RLF: variants seen among roughly 807,000 people sequenced by gnomAD.
The protein encoded by RLF is RLF zinc finger.
In RLF, 7 loss-of-function variants were observed where a neutral mutation model predicts 162.9. The observed-to-expected ratio is 0.04, with a 90% CI of 0.02 to 0.08. The LOEUF (loss-of-function observed/expected upper bound fraction) is 0.08. Among genes scored for constraint, RLF ranks in the 10% least tolerant of loss-of-function variants. The probability of loss-of-function intolerance (pLI) is 1.00; values close to 1 mark genes in which losing one functional copy is unlikely to be tolerated. For missense variants in RLF, 1,664 were observed against 2,244.7 expected, an observed-to-expected ratio of 0.74 and a Z score of 5.23; for synonymous variants, 782 against 791.5, an observed-to-expected ratio of 0.99 and a Z score of 0.20.
In RLF at chr1:40,237,772, G is replaced by A. The variant is rs1160548011; in HGVS notation, c.3070G>A (p.Asp1024Asn). The A allele has an allele frequency of 6.2e-7, 1 of 1,614,096 alleles. No homozygotes were observed. Among genetic ancestry groups the A allele is most frequent in the South Asian group, 1.1e-5 (1 of 91,080 alleles). Residue 1024 changes from aspartate to asparagine, a missense_variant, in exon 8 of 8, where the codon GAT (aspartate) becomes AAT (asparagine). Asp to Asn is a conservative substitution (Grantham distance 23, BLOSUM62 1). Around this residue, in one of 15 missense-constraint regions of RLF, gnomAD observed 295 missense variants for 317.4 expected, o/e 0.93. Coordinates refer to ENST00000372771, the MANE Select transcript of RLF (RefSeq NM_012421.4). This position sits in a 1 kb window ranked among gnomAD's most constrained non-coding sequence, Gnocchi z 4.4. ...PCSDTNSDSP[D>N]EGLDHNIHIK... is the part of the protein sequence containing the mutation. ...CTCAGATACAAACAGTGACTCCCCA[G>A]ATGAAGGTCTAGATCACAATATTCA...
chr1:40,234,228 G>C (rs959520094), intron 7 of RLF, among the ~76,000 whole-genome samples: 2 of 152,210 alleles, frequency 1.3e-5, no homozygotes, highest in Admixed American at 1.3e-4. Flanking sequence ...GGGATTACAG[G>C]TGTGAGCCAC....
Position 40,195,683 on chromosome 1 carries a change from G to A in RLF, c.526G>A (p.Val176Ile). Reference protein sequence around the residue: ...EFGNNNLQILVHVTKEGVWKN... With the variant: ...EFGNNNLQILIHVTKEGVWKN... ...TGGGAATAATAACCTACAAATATTG[G>A]TTCATGTTACCAAGGAAGGGGTGTG... The change falls in exon 4 of 8, where the codon GTT becomes ATT. Residue 176 changes from valine to isoleucine, a missense_variant. Physicochemically the swap from Val to Ile is conservative, Grantham distance 29 (BLOSUM62 3). Coordinates refer to ENST00000372771, the MANE Select transcript of RLF (RefSeq NM_012421.4). The A allele has an allele frequency of 6.2e-7, 1 of 1,613,380 alleles. No homozygotes were observed. The highest frequency in any genetic ancestry group is 8.5e-7 in the Non-Finnish European group (1 of 1,179,542).
Position 40,240,545 on chromosome 1 carries a change from T to G in RLF, c.*98T>G, listed in dbSNP as rs758432383. The G allele has an allele frequency of 3.8e-6, 3 of 788,120 alleles. No homozygotes were observed. Among genetic ancestry groups the G allele is most frequent in the East Asian group, 2.5e-5 (1 of 39,408 alleles). 48.8% of individuals were successfully genotyped at this position (788,120 alleles called of 1,614,324 possible). ...GCTGAGAAGCAGCCACACCGTTGTT[T>G]AGGGTAGAATAGGCTGTGTATTTAC... On this transcript the variant is annotated 3_prime_UTR_variant, in exon 8 of 8. Transcript: ENST00000372771.
rs751223246 is a variant in RLF, at chr1:40,239,254, T to C, written c.4552T>C (p.Cys1518Arg). 2 of 1,614,126 alleles carry C rather than the reference T, an allele frequency of 1.2e-6. No individual in the cohort carries two copies. The highest frequency in any genetic ancestry group is 2.2e-5 in the South Asian group (2 of 91,084). The change falls in exon 8 of 8, where the codon TGT becomes CGT. Residue 1518 changes from cysteine to arginine, a missense_variant. Around this residue, in one of 15 missense-constraint regions of RLF, gnomAD observed 200 missense variants for 207.3 expected, o/e 0.96. Coordinates refer to ENST00000372771, the MANE Select transcript of RLF (RefSeq NM_012421.4). ...ATCATTTAATGCTAAGTCTAAAAAATGTGGCTTAATCAAAGAAAAGAAAGC... is the reference window on the plus strand; with the variant it reads ...ATCATTTAATGCTAAGTCTAAAAAACGTGGCTTAATCAAAGAAAAGAAAGC... Reference protein sequence around the residue: ...RRSFNAKSKKCGLIKEKKAPI... With the variant: ...RRSFNAKSKKRGLIKEKKAPI...
intron 5 of RLF, among the ~76,000 whole-genome samples, chr1:40,202,861 C>G (rs1439506232): frequency 1.3e-5 from 2 of 152,078 alleles, no homozygotes; most frequent in Non-Finnish European, 2.9e-5. Context: ...TGATGATTTG[C>G]TGTGAAATCT....
chr1:40,200,901 C>T (rs1176000149), intron 4 of RLF, among the ~76,000 whole-genome samples: 5 of 124,452 alleles, frequency 4.0e-5, no homozygotes, highest in African/African-American at 1.9e-4. Flanking sequence ...CACACACACA[C>T]ACACACACAC....
At chr1:40,227,579 C>T (rs1643094540) in intron 6 of RLF, among the ~76,000 whole-genome samples, 1 of 152,076 alleles carries the variant, frequency 6.6e-6, no homozygotes, top group African/African-American at 2.4e-5. Flanking sequence ...TATAACTATG[C>T]AAATATTTTT....
At chr1:40,191,412 C>T (rs1291286074) in intron 3 of RLF, among the ~76,000 whole-genome samples, 1 of 152,042 alleles carries the variant, frequency 6.6e-6, no homozygotes, top group Non-Finnish European at 1.5e-5. Context: ...GTGGCGGACA[C>T]CTGTAATCCC....
intron 1 of RLF, among the ~76,000 whole-genome samples, chr1:40,188,534 T>C (rs1008756849): frequency 4.0e-5 from 6 of 149,804 alleles, no homozygotes; most frequent in Non-Finnish European, 7.4e-5. Flanking sequence ...TAGTGAAAAA[T>C]AAAAATATCA....
rs1293964233 is a variant in RLF at position 40,239,184 on chromosome 1, T to C, written c.4482T>C (p.Cys1494=). Reference sequence around the variant, plus strand: ...GACTACTAAGGAGTGAAAAGGTATGTCAAACAGCTGATACTCAGGGGCATG... The same window carrying C: ...GACTACTAAGGAGTGAAAAGGTATGCCAAACAGCTGATACTCAGGGGCATG... ...NERLLRSEKV[C]QTADTQGHEH... The change falls in exon 8 of 8, where the codon TGT becomes TGC. Residue 1494 remains cysteine, a synonymous_variant. Coordinates refer to ENST00000372771, the MANE Select transcript of RLF (RefSeq NM_012421.4). 3.1e-6 allele frequency: 5 copies of C among 1,613,946 alleles called. No homozygotes were observed. The highest frequency in any genetic ancestry group is 1.3e-5 in the African/African-American group (1 of 74,914).
At chr1:40,193,363 A>G (rs1642586661) in intron 3 of RLF, among the ~76,000 whole-genome samples, 1 of 152,200 alleles carries the variant, frequency 6.6e-6, no homozygotes, top group African/African-American at 2.4e-5. Flanking sequence ...TATTCTGAGT[A>G]AACTGTATTT....
chr1:40,164,693 A>G (rs1462526947), intron 1 of RLF, among the ~76,000 whole-genome samples: 1 of 152,142 alleles, frequency 6.6e-6, no homozygotes, highest in Admixed American at 6.6e-5. Context: ...AAGTTTTACA[A>G]TTGGTGTCTC....
chr1:40,202,490 C>T lies in RLF; in HGVS notation c.686C>T (p.Pro229Leu), dbSNP rs760483095. The T allele has an allele frequency of 1.9e-6, 3 of 1,585,524 alleles. No homozygotes were observed. In the African/African-American group the frequency reaches 4.1e-5, roughly 22 times the overall value. Residue 229 changes from proline to leucine, a missense_variant, in exon 5 of 8, where the codon CCC (proline) becomes CTC (leucine). Physicochemically the swap from Pro to Leu is moderately conservative, Grantham distance 98. Coordinates refer to ENST00000372771, the MANE Select transcript of RLF (RefSeq NM_012421.4). ...IKHLLKSNCI[P>L]QATALSKLCA... is the part of the protein sequence containing the mutation. ...CATTTGTTGAAATCTAACTGCATCC[C>T]CCAGGCTACTGCTTTATCAAAACTA... is the stretch of plus-strand genomic sequence containing the variant.
At chr1:40,229,748 C>T (rs113206279) in intron 6 of RLF, among the ~76,000 whole-genome samples, 75 of 152,034 alleles carry the variant, frequency 4.9e-4, no homozygotes, top group African/African-American at 1.7e-3. Flanking sequence ...ACACCACGCC[C>T]GGCCAGTCAT....
chr1:40,232,514 T>G, intron 7 of RLF, among the ~76,000 whole-genome samples: 1 of 152,180 alleles, frequency 6.6e-6, no homozygotes, highest in East Asian at 1.9e-4. Context: ...GAAAATCCAC[T>G]TCAAAGCTTA....
chr1:40,191,937 C>T (rs758919904), intron 3 of RLF, among the ~76,000 whole-genome samples: 1 of 152,096 alleles, frequency 6.6e-6, no homozygotes, highest in South Asian at 2.1e-4. Context: ...GATTTCAAAC[C>T]CTGAGCTTAC....
intron 5 of RLF, among the ~76,000 whole-genome samples, chr1:40,209,877 TAA>T (rs76437844): frequency 0.02 from 2,641 of 130,526 alleles, 158 homozygotes; most frequent in East Asian, 0.14. Flanking sequence ...GACTCCGTCT[TAA>T]AAAAAAAAAA....
rs894694729 is a variant in RLF, at chr1:40,168,229, TAGAA to T, written c.237+6597_237+6600del. On this transcript the variant is annotated intron_variant, in intron 1 of 7. Coordinates refer to ENST00000372771, the MANE Select transcript of RLF (RefSeq NM_012421.4). Reference sequence around the variant, plus strand: ...GACCTTGTCTCAATAAATAAATAAATAGAAAGATACTTTTTGTTTGTTTGTTTGT... The same window carrying T: ...GACCTTGTCTCAATAAATAAATAAATAGATACTTTTTGTTTGTTTGTTTGT... 9.2e-5 allele frequency among the ~76,000 whole-genome samples: 14 copies of T among 152,020 alleles called. No homozygotes were observed. In the East Asian group the frequency reaches 1.5e-3, roughly 17 times the overall value.
intron 1 of RLF, among the ~76,000 whole-genome samples, chr1:40,166,259 CAT>C (rs1307441967): frequency 6.6e-6 from 1 of 151,626 alleles, no homozygotes; most frequent in African/African-American, 2.4e-5. Flanking sequence ...ATGATACACA[CAT>C]GAGATAGACA....
Sources: gnomAD v4.1 joint callset for allele counts (sites outside exome capture counted in the v4.1 genomes callset) on GRCh38, gnomAD v4.1.1 for gene constraint, gnomAD v4.1.1 regional missense constraint, Gnocchi (gnomAD v3.1) non-coding constraint, MANE v1.5 for transcripts, NCBI Gene and HGNC (gene_info 2026-07-23, HGNC 2026-07-21) for gene names.